CDC14B: variants seen among roughly 807,000 people sequenced by gnomAD.
CDC14B encodes cell division cycle 14B.
In CDC14B, 22 loss-of-function variants were observed where a neutral mutation model predicts 64.2. The ratio of observed to expected loss-of-function variants is 0.34; its 90% CI spans 0.24 to 0.49. The LOEUF (loss-of-function observed/expected upper bound fraction) is 0.49. Ranked by LOEUF, CDC14B falls within the 20% of genes least tolerant of loss-of-function variation. The pLI, the probability that CDC14B is intolerant of heterozygous loss-of-function variation, is 0.99. For synonymous variants in CDC14B, 191 were observed against 215.8 expected (o/e 0.89, Z 1.01); for missense variants, 498 against 629.9 (o/e 0.79, Z 2.24).
intron 1 of CDC14B, among the ~76,000 whole-genome samples, chr9:96,585,710 T>C (rs1845420245): frequency 6.6e-6 from 1 of 152,210 alleles, no homozygotes; most frequent in Non-Finnish European, 1.5e-5. Context: ...GAGCAGTTTC[T>C]TACAAAGTTA....
intron 1 of CDC14B, among the ~76,000 whole-genome samples, chr9:96,578,161 G>A (rs961379551): frequency 2.0e-5 from 3 of 152,172 alleles, no homozygotes; most frequent in Non-Finnish European, 2.9e-5. Context: ...GAGCAACAAC[G>A]TAAGTATATA....
At chr9:96,596,856 C>A in intron 1 of CDC14B, among the ~76,000 whole-genome samples, 1 of 147,996 alleles carries the variant, frequency 6.8e-6, no homozygotes, top group Admixed American at 6.8e-5. Flanking sequence ...GAGACCTTCT[C>A]TATCTTTAAA....
At chr9:96,554,699 C>T (rs974414246) in intron 4 of CDC14B, among the ~76,000 whole-genome samples, 5 of 152,160 alleles carry the variant, frequency 3.3e-5, no homozygotes, top group African/African-American at 9.7e-5. Flanking sequence ...AACAAATCCA[C>T]TTATATAACT....
intron 1 of CDC14B, among the ~76,000 whole-genome samples, chr9:96,610,797 T>C (rs536647373): frequency 1.3e-5 from 2 of 152,324 alleles, no homozygotes; most frequent in East Asian, 3.9e-4. Flanking sequence ...CTGGCATTCA[T>C]ATTAATCCAA....
At chr9:96,530,098 C>T (rs1838204638) in intron 9 of CDC14B, among the ~76,000 whole-genome samples, 1 of 151,998 alleles carries the variant, frequency 6.6e-6, no homozygotes, top group African/African-American at 2.4e-5. Context: ...GGTTAATTCC[C>T]CAATATTTGA....
At chr9:96,546,104 C>T (rs1401639502) in intron 5 of CDC14B, among the ~76,000 whole-genome samples, 1 of 152,174 alleles carries the variant, frequency 6.6e-6, no homozygotes, top group Non-Finnish European at 1.5e-5. Context: ...AGAATGGCAG[C>T]TTTCGTAACA....
chr9:96,512,561 T>C (rs545474601), intron 12 of CDC14B, among the ~76,000 whole-genome samples: 1 of 152,258 alleles, frequency 6.6e-6, no homozygotes, highest in East Asian at 1.9e-4. Context: ...CTGGCCTCAG[T>C]GATTCTCTTT....
At chr9:96,599,809 G>A (rs1000846232) in intron 1 of CDC14B, among the ~76,000 whole-genome samples, 16 of 151,912 alleles carry the variant, frequency 1.1e-4, no homozygotes, top group Non-Finnish European at 1.9e-4. Context: ...GCAGCTCACT[G>A]CAACTTCCAC....
downstream of CDC14B, among the ~76,000 whole-genome samples, chr9:96,499,401 G>A (rs1833384149): frequency 7.2e-5 from 11 of 152,220 alleles, no homozygotes; most frequent in Admixed American, 7.2e-4. Flanking sequence ...AGGCAAGGCA[G>A]GTAGAAAGCA....
chr9:96,604,141 C>T (rs1846694918), intron 1 of CDC14B, among the ~76,000 whole-genome samples: 1 of 152,064 alleles, frequency 6.6e-6, no homozygotes, highest in Non-Finnish European at 1.5e-5. Context: ...CTCAGCTCTT[C>T]CAGTCACTCC....
At chr9:96,569,090 T>C (rs534489816) in intron 1 of CDC14B, among the ~76,000 whole-genome samples, 3 of 152,334 alleles carry the variant, frequency 2.0e-5, no homozygotes, top group East Asian at 3.9e-4. Context: ...AATGCCTTCA[T>C]AGTCGGTGTC....
chr9:96,566,879 G>A lies in CDC14B; in HGVS notation c.161-1396C>T, dbSNP rs933150394. On this transcript the variant is annotated intron_variant, in intron 1 of 13. Transcript: ENST00000375241. Reference sequence around the variant, plus strand: ...ACTGCCAGCCGCCGAGAGGGGAGGCGCCGCGACCACACCCCCGAAGTTTAA... The same window carrying A: ...ACTGCCAGCCGCCGAGAGGGGAGGCACCGCGACCACACCCCCGAAGTTTAA... 5 of 1,566,820 alleles carry A rather than the reference G, an allele frequency of 3.2e-6. No individual in the cohort carries two copies. In the African/African-American group the frequency reaches 5.4e-5, roughly 17 times the overall value.
At chr9:96,522,696 C>T (rs1279118168) in intron 11 of CDC14B, 93 bp from the exon 12 acceptor site, 5 of 768,928 alleles carry the variant, frequency 6.5e-6, no homozygotes, top group Non-Finnish European at 2.3e-6. Context: ...GAACACAGTC[C>T]AAGTTTCTGC....
At chr9:96,542,651 GCTAA>G (rs1840226423) in intron 5 of CDC14B, among the ~76,000 whole-genome samples, 1 of 150,240 alleles carries the variant, frequency 6.7e-6, no homozygotes, top group Non-Finnish European at 1.5e-5. Flanking sequence ...ACCGCATCTA[GCTAA>G]CTTTTTTTTT....
At chr9:96,568,215 CTT>C (rs1844240192) in intron 1 of CDC14B, among the ~76,000 whole-genome samples, 1 of 152,140 alleles carries the variant, frequency 6.6e-6, no homozygotes, top group Admixed American at 6.5e-5. Flanking sequence ...GGATCAAAGA[CTT>C]TTTAAAATAC....
intron 12 of CDC14B, among the ~76,000 whole-genome samples, chr9:96,521,705 A>G (rs982135024): frequency 3.9e-5 from 6 of 152,212 alleles, no homozygotes; most frequent in African/African-American, 1.4e-4. Context: ...ATATTACAAG[A>G]TGCTTACTGA....
chr9:96,513,480 C>T (rs1835194541), intron 12 of CDC14B, among the ~76,000 whole-genome samples: 1 of 152,352 alleles, frequency 6.6e-6, no homozygotes, highest in East Asian at 1.9e-4. Flanking sequence ...TATTTTCTTC[C>T]TTCCCATCTG....
intron 13 of CDC14B, among the ~76,000 whole-genome samples, chr9:96,507,845 C>A (rs1360040952): frequency 1.3e-5 from 2 of 152,058 alleles, no homozygotes; most frequent in East Asian, 3.8e-4. Context: ...CCAACCAGAA[C>A]TTTTATTAGT....
chr9:96,588,550 A>G (rs565360965), intron 1 of CDC14B, among the ~76,000 whole-genome samples: 33 of 152,280 alleles, frequency 2.2e-4, no homozygotes, highest in Middle Eastern at 3.4e-3. Flanking sequence ...GCAGTGGCGT[A>G]ATCAAGGCTC....
Sources: gnomAD v4.1 joint callset for allele counts (sites outside exome capture counted in the v4.1 genomes callset) on GRCh38, gnomAD v4.1.1 for gene constraint, MANE v1.5 for transcripts, NCBI Gene and HGNC (gene_info 2026-07-23, HGNC 2026-07-21) for gene names.